Variants in AKAP10 observed in about 807,000 individuals in gnomAD.
The protein encoded by AKAP10 is A-kinase anchor protein 10, mitochondrial.
A neutral mutation model predicts 80.8 loss-of-function variants in AKAP10; 24 were observed. That is an observed-to-expected ratio of 0.30 (90% CI 0.22 to 0.42). The LOEUF (loss-of-function observed/expected upper bound fraction) is 0.42, where lower values mean the gene tolerates loss of function less well. AKAP10 is among the 10% of genes least tolerant of loss of function. The probability of loss-of-function intolerance (pLI) is 1.00; values close to 1 mark genes in which losing one functional copy is unlikely to be tolerated. For missense variants in AKAP10, 661 were observed against 794.9 expected (o/e 0.83, Z 2.03); for synonymous variants, 291 against 277.7 (o/e 1.05, Z -0.48).
At chr17:19,964,797 G>A (rs1205761191) in intron 2 of AKAP10, among the ~76,000 whole-genome samples, 2 of 152,342 alleles carry the variant, frequency 1.3e-5, no homozygotes, top group South Asian at 2.1e-4. Flanking sequence ...GGAGGCTGAG[G>A]CAGGAGAATC....
At chr17:19,975,132 T>A (rs967810815) in intron 1 of AKAP10, among the ~76,000 whole-genome samples, 8 of 152,176 alleles carry the variant, frequency 5.3e-5, no homozygotes, top group African/African-American at 1.9e-4. Flanking sequence ...GCTCAAGTGA[T>A]CCTTCTGCCT....
At chr17:19,941,705 T>C (rs1282510887) in intron 6 of AKAP10, 121 bp downstream of exon 6, 2 of 616,810 alleles carry the variant, frequency 3.2e-6, no homozygotes, top group Non-Finnish European at 4.8e-6. Context: ...TATATGATCT[T>C]GTAAATATCC....
At chr17:19,952,041 T>A (rs1044457811) in intron 4 of AKAP10, among the ~76,000 whole-genome samples, 2 of 151,032 alleles carry the variant, frequency 1.3e-5, no homozygotes, top group Non-Finnish European at 2.9e-5. Context: ...TTAATACCAA[T>A]AATTATATTT....
In AKAP10 at chr17:19,962,968, T is replaced by G; in HGVS notation, c.191A>C (p.Glu64Ala). ...TGCAACATGACTTGGTCCTGCAGCC[T>G]CCAGCAAGGCATGATTTTTAGTGCT... is the stretch of plus-strand genomic sequence containing the variant. ...QKSTKNHALL[E>A]AAGPSHVAIN... Residue 64 changes from glutamate (E) to alanine (A), a missense_variant, in exon 3 of 15, where the codon GAG becomes GCG. Transcript: ENST00000225737. 1 of 1,613,500 alleles carries G rather than the reference T, an allele frequency of 6.2e-7. No homozygotes were observed. The highest frequency in any genetic ancestry group is 8.5e-7 in the Non-Finnish European group (1 of 1,179,554).
At chr17:19,960,206 G>A (rs74429763) in intron 3 of AKAP10, among the ~76,000 whole-genome samples, 2 of 152,094 alleles carry the variant, frequency 1.3e-5, no homozygotes, top group Admixed American at 6.6e-5. Flanking sequence ...AACTTGTTCA[G>A]ATTTCCCCAG....
At chr17:19,914,626 C>T (rs1394172729) in intron 12 of AKAP10, among the ~76,000 whole-genome samples, 12 of 74,904 alleles carry the variant, frequency 1.6e-4, no homozygotes, top group Non-Finnish European at 2.5e-4. Flanking sequence ...AAGACCCTAT[C>T]TCAAAAAAAA....
At chr17:19,931,704 T>C (rs956024914) in intron 10 of AKAP10, 101 bp downstream of exon 10, 12 of 1,377,300 alleles carry the variant, frequency 8.7e-6, no homozygotes, top group African/African-American at 3.0e-5. Flanking sequence ...ATCTTTTTTT[T>C]CCACAACTTA....
intron 5 of AKAP10, among the ~76,000 whole-genome samples, chr17:19,944,859 A>G (rs1019976723): frequency 1.3e-5 from 2 of 152,366 alleles, no homozygotes; most frequent in Admixed American, 6.5e-5. Context: ...ACATAAAAAC[A>G]GTAATTAGTT....
chr17:19,975,536 C>CCTCT lies in AKAP10; in HGVS notation c.88+2052_88+2055dup, dbSNP rs141059102. Among the ~76,000 whole-genome samples the CCTCT allele has an allele frequency of 2.6e-3, 400 of 152,276 alleles. 1 individual carries two copies. Among genetic ancestry groups the CCTCT allele is most frequent in the African/African-American group, 9.1e-3 (378 of 41,546 alleles). ...TAAGTTTCAAGGTCACCTGCTGAGT[C>CCTCT]CTCTAACATCTAACCAAAATGCATT... On this transcript the variant is annotated intron_variant, in intron 1 of 14. Coordinates refer to ENST00000225737, the MANE Select transcript of AKAP10 (RefSeq NM_007202.4).
chr17:19,960,103 G>A (rs1018434530), intron 3 of AKAP10, among the ~76,000 whole-genome samples: 11 of 152,058 alleles, frequency 7.2e-5, no homozygotes, highest in Admixed American at 1.3e-4. Flanking sequence ...AATACCTAGA[G>A]ATCCCTTGTA....
At chr17:19,963,090 C>T in intron 2 of AKAP10, 68 bp from the exon 3 acceptor site, 1 of 1,320,632 alleles carries the variant, frequency 7.6e-7, no homozygotes, top group South Asian at 1.7e-5. Flanking sequence ...CATAAAGGGG[C>T]TTTCAGAGAA....
chr17:19,912,882 T>C (rs1052504916), intron 12 of AKAP10, among the ~76,000 whole-genome samples: 2 of 152,014 alleles, frequency 1.3e-5, no homozygotes, highest in Non-Finnish European at 2.9e-5. Context: ...ATTGTCAAGG[T>C]GGTATTCTGA....
At chr17:19,907,030 T>G (rs953527188) in intron 14 of AKAP10, among the ~76,000 whole-genome samples, 6 of 152,040 alleles carry the variant, frequency 3.9e-5, no homozygotes, top group Non-Finnish European at 7.4e-5. Context: ...TTTTGTTTTT[T>G]TTTTGAGACG....
intron 14 of AKAP10, among the ~76,000 whole-genome samples, chr17:19,907,079 G>A (rs2042639197): frequency 6.6e-6 from 1 of 151,460 alleles, no homozygotes; most frequent in Admixed American, 6.6e-5. Flanking sequence ...GTGCACTGGT[G>A]CAATCTCAGC....
chr17:19,909,144 A>G (rs1213531400), intron 14 of AKAP10, 37 bp downstream of exon 14: 24 of 1,540,024 alleles, frequency 1.6e-5, no homozygotes, highest in Non-Finnish European at 2.0e-5. Flanking sequence ...CTGGAAAATA[A>G]TACTTTTTAG....
At chr17:19,921,716 C>T (rs555005506) in intron 11 of AKAP10, among the ~76,000 whole-genome samples, 6 of 151,708 alleles carry the variant, frequency 4.0e-5, no homozygotes, top group African/African-American at 1.5e-4. Flanking sequence ...TAATCTGCCT[C>T]TTGGTACAAA....
chr17:19,940,291 T>C (rs1256020413), intron 7 of AKAP10, among the ~76,000 whole-genome samples: 1 of 152,224 alleles, frequency 6.6e-6, no homozygotes, highest in African/African-American at 2.4e-5. Flanking sequence ...ACTGAGTACC[T>C]GTATTCTTGT....
At chr17:19,911,441 C>T (rs1274024822) in intron 12 of AKAP10, among the ~76,000 whole-genome samples, 3 of 152,108 alleles carry the variant, frequency 2.0e-5, no homozygotes, top group Admixed American at 6.6e-5. Context: ...TCAACATTAC[C>T]AGCTAATTCC....
At position 19,977,672 on chromosome 17, in the gene AKAP10, C is replaced by G; in HGVS notation, c.8G>C (p.Gly3Ala). The G allele has an allele frequency of 3.2e-6, 4 of 1,235,376 alleles. No homozygotes were observed. Among genetic ancestry groups the G allele is most frequent in the Middle Eastern group, 2.3e-4 (1 of 4,292 alleles). The allele number at this position is 1,235,376 out of a possible 1,614,324, so 76.5% of individuals were successfully genotyped here. A position where few individuals can be genotyped will look rare whatever the true frequency, so the allele number is the denominator to read the frequency against. The change falls in exon 1 of 15, where the codon GGA becomes GCA. Residue 3 changes from glycine (G) to alanine (A), a missense_variant. Gly to Ala is a moderately conservative substitution (Grantham distance 60, BLOSUM62 0). Coordinates refer to ENST00000225737, the MANE Select transcript of AKAP10 (RefSeq NM_007202.4). MRGAGPSPRQSPR... is the reference protein window; with the variant it reads MRAAGPSPRQSPR... The stretch of plus-strand genomic sequence containing the variant: ...GGACTGGCGCGGGGAGGGCCCGGCT[C>G]CCCTCATTCAGCAACCGGCCCGGAC...
Sources: allele counts gnomAD v4.1 joint callset (sites outside exome capture counted in the v4.1 genomes callset), GRCh38; gene constraint gnomAD v4.1.1; transcripts MANE v1.5; gene names NCBI Gene and HGNC (gene_info 2026-07-23, HGNC 2026-07-21).